Variants in CCDC88C observed in about 807,000 individuals in gnomAD.
CCDC88C encodes protein Daple.
CCDC88C carries 131 observed loss-of-function variants against 198.8 expected under a neutral mutation model. The ratio of observed to expected loss-of-function variants is 0.66; its 90% CI spans 0.57 to 0.76. The LOEUF (loss-of-function observed/expected upper bound fraction) is 0.76. Ranked by LOEUF, CCDC88C falls within the 30% of genes least tolerant of loss-of-function variation. The pLI is 0.00. For missense variants in CCDC88C, 2,553 were observed against 2,631.6 expected, an observed-to-expected ratio of 0.97 and a Z score of 0.65; for synonymous variants, 1,166 against 1,114.7, an observed-to-expected ratio of 1.05 and a Z score of -0.92.
chr14:91,323,700 C>A (rs1444428245), intron 12 of CCDC88C, among the ~76,000 whole-genome samples: 1 of 152,250 alleles, frequency 6.6e-6, no homozygotes, highest in Non-Finnish European at 1.5e-5. Flanking sequence ...CCACCATGGT[C>A]TCTAACAAAT....
intron 22 of CCDC88C, 125 bp from the exon 23 acceptor site, chr14:91,294,443 T>A: frequency 8.9e-7 from 1 of 1,120,366 alleles, no homozygotes; most frequent in Non-Finnish European, 1.3e-6. Context: ...TCTACGCCAG[T>A]GGAAACTTGG....
chr14:91,302,733 T>A (rs1394773180), intron 20 of CCDC88C, among the ~76,000 whole-genome samples: 2 of 152,184 alleles, frequency 1.3e-5, no homozygotes, highest in Non-Finnish European at 2.9e-5. Context: ...ACTATATGAT[T>A]CTGCTTCCTT....
intron 20 of CCDC88C, among the ~76,000 whole-genome samples, chr14:91,303,131 C>A (rs1195052978): frequency 6.6e-6 from 1 of 152,164 alleles, no homozygotes; most frequent in African/African-American, 2.4e-5. Context: ...AAGTCCCAGT[C>A]CTCCGCGCAG....
chr14:91,355,354 C>G (rs926324845), intron 4 of CCDC88C, among the ~76,000 whole-genome samples: 6 of 152,172 alleles, frequency 3.9e-5, no homozygotes. Context: ...GCCTGCACAC[C>G]GCCTCACTAT....
intron 2 of CCDC88C, among the ~76,000 whole-genome samples, chr14:91,411,157 C>A (rs1398853957): frequency 6.6e-6 from 1 of 152,174 alleles, no homozygotes; most frequent in South Asian, 2.1e-4. Context: ...TATCAGGACA[C>A]TAATCAAAAC....
Position 91,291,971 on chromosome 14 carries a change from G to C in CCDC88C, c.4113-887C>G, listed in dbSNP as rs574043446. Among the ~76,000 whole-genome samples the C allele has an allele frequency of 2.6e-5, 4 of 152,314 alleles. No individual in the cohort carries two copies. The East Asian group carries it at 7.7e-4, about 29-fold the overall frequency. ...TCGGAGCCGCGCTGCCCATGGTACT[G>C]AGGACTGCTGCCCACTCATGCCTCA... On this transcript the variant is annotated intron_variant, in intron 23 of 29. Transcript: ENST00000389857.
intron 12 of CCDC88C, among the ~76,000 whole-genome samples, chr14:91,324,519 C>T (rs890486794): frequency 3.9e-5 from 6 of 152,234 alleles, no homozygotes; most frequent in African/African-American, 1.4e-4. Flanking sequence ...TGGAAGCTCC[C>T]GGGAATGTCC....
In CCDC88C at chr14:91,284,431, G is replaced by C. The variant is rs1248519775; in HGVS notation, c.4442-914C>G. Among the ~76,000 whole-genome samples the C allele has an allele frequency of 2.0e-5, 3 of 152,210 alleles. No individual in the cohort carries two copies. The highest frequency in any genetic ancestry group is 1.3e-4 in the Admixed American group (2 of 15,282). The stretch of plus-strand genomic sequence containing the variant: ...AATTTGGATTTTGAAAGATAACCTT[G>C]ATGAGAAGCAAGATTCAAGTCTGCC... On this transcript the variant is annotated intron_variant, in intron 25 of 29. Transcript: ENST00000389857. The surrounding 1 kb of genome is among the most constrained non-coding windows in gnomAD (Gnocchi z 4.1).
chr14:91,312,064 A>T (rs115545707), intron 15 of CCDC88C, among the ~76,000 whole-genome samples: 3,164 of 152,268 alleles, frequency 0.021, 128 homozygotes, highest in African/African-American at 0.072. Context: ...CAATCTAAAC[A>T]TCTAAAAAAT....
chr14:91,342,248 A>T, intron 6 of CCDC88C, 132 bp downstream of exon 6: 1 of 593,932 alleles, frequency 1.7e-6, no homozygotes, highest in Non-Finnish European at 3.1e-6. Context: ...GTGGTGTCTG[A>T]AACCTAAGAT....
At chr14:91,375,820 T>C (rs1051800984) in intron 3 of CCDC88C, among the ~76,000 whole-genome samples, 2 of 152,084 alleles carry the variant, frequency 1.3e-5, no homozygotes, top group Non-Finnish European at 1.5e-5. Flanking sequence ...GGGGGGCAAA[T>C]GTCTCCTTCT....
At position 91,348,905 on chromosome 14, in the gene CCDC88C, C is replaced by G. The variant is rs957858846; in HGVS notation, c.341-5248G>C. On this transcript the variant is annotated intron_variant, in intron 4 of 29. Coordinates refer to ENST00000389857, the MANE Select transcript of CCDC88C (RefSeq NM_001080414.4). ...TAACAAAAACATCCTGTGATCCCCA[C>G]CCCTACAGATTCCTACAAAATTTTT... Among the ~76,000 whole-genome samples, 8 of 152,180 alleles carry G rather than the reference C, an allele frequency of 5.3e-5. No homozygotes were observed. In the South Asian group the frequency reaches 1.7e-3, roughly 32 times the overall value.
chr14:91,289,219 C>T lies in CCDC88C; in HGVS notation c.4327G>A (p.Ala1443Thr), dbSNP rs189215037. 1.6e-3 allele frequency: 2,525 copies of T among 1,614,012 alleles called. 20 individuals carry two copies. In the Middle Eastern group the frequency reaches 0.032, roughly 20 times the overall value. ...PPWQLESSDP[A>T]SPAASQPLRS... ...AGCGGCTGAGAGGCCGCCGGCGAGG[C>T]GGGGTCTGAGGACTCCAGCTGCCAG... Residue 1443 changes from alanine (A) to threonine (T), a missense_variant, in exon 25 of 30, where the codon GCC (alanine) becomes ACC (threonine). Ala to Thr is a moderately conservative substitution (Grantham distance 58). This residue lies in a region of CCDC88C where 1,293 missense variants were observed against 1,219.6 expected (regional missense o/e 1.06). Coordinates refer to ENST00000389857, the MANE Select transcript of CCDC88C (RefSeq NM_001080414.4).
At position 91,352,334 on chromosome 14, in the gene CCDC88C, G is replaced by C. The variant is rs1464380981; in HGVS notation, c.340+7308C>G. Reference sequence around the variant, plus strand: ...TGGGCCGCACTGTGACGCTCGGCTGGGCTTGGTGTCAGCCAAACTCTGCAC... The same window carrying C: ...TGGGCCGCACTGTGACGCTCGGCTGCGCTTGGTGTCAGCCAAACTCTGCAC... On this transcript the variant is annotated intron_variant, in intron 4 of 29. Coordinates refer to ENST00000389857, the MANE Select transcript of CCDC88C (RefSeq NM_001080414.4). This position sits in a 1 kb window ranked among gnomAD's most constrained non-coding sequence, Gnocchi z 4.2. 6.6e-6 allele frequency among the ~76,000 whole-genome samples: 1 copy of C among 152,190 alleles called. No homozygotes were observed. Among genetic ancestry groups the C allele is most frequent in the Non-Finnish European group, 1.5e-5 (1 of 68,038 alleles).
At chr14:91,407,487 G>A (rs1412919290) in intron 3 of CCDC88C, among the ~76,000 whole-genome samples, 1 of 152,234 alleles carries the variant, frequency 6.6e-6, no homozygotes, top group Non-Finnish European at 1.5e-5. Context: ...AAACGCTGGC[G>A]TGAATCTGGG....
intron 3 of CCDC88C, chr14:91,384,261 A>AC (rs1487491126): frequency 5.7e-6 from 2 of 348,188 alleles, no homozygotes; most frequent in South Asian, 2.2e-5. Flanking sequence ...ACATAGCGAG[A>AC]CCCCCATCTC....
chr14:91,290,170 G>A (rs577668750), intron 24 of CCDC88C, among the ~76,000 whole-genome samples: 15 of 152,336 alleles, frequency 9.8e-5, no homozygotes, highest in African/African-American at 3.6e-4. Context: ...TACTCGGGAG[G>A]GTGAGGCAGG....
intron 22 of CCDC88C, among the ~76,000 whole-genome samples, chr14:91,294,811 C>T (rs1347850842): frequency 6.6e-6 from 1 of 152,204 alleles, no homozygotes; most frequent in African/African-American, 2.4e-5. Context: ...GCGCGTGCCA[C>T]CACGCCCAGC....
At chr14:91,409,775 T>C (rs1338787829) in intron 2 of CCDC88C, among the ~76,000 whole-genome samples, 1 of 152,298 alleles carries the variant, frequency 6.6e-6, no homozygotes, top group South Asian at 2.1e-4. Context: ...TGTGAGCCAC[T>C]GTGCCAGGCC....
Sources: gnomAD v4.1 joint callset for allele counts (sites outside exome capture counted in the v4.1 genomes callset) on GRCh38, gnomAD v4.1.1 for gene constraint, gnomAD v4.1.1 regional missense constraint, Gnocchi (gnomAD v3.1) non-coding constraint, MANE v1.5 for transcripts, NCBI Gene and HGNC (gene_info 2026-07-23, HGNC 2026-07-21) for gene names.